SLC19A1: variants seen among roughly 807,000 people sequenced by gnomAD.
The protein encoded by SLC19A1 is reduced folate transporter.
Under a neutral mutation model 35.3 loss-of-function variants are expected in SLC19A1, and 37 were observed. The observed-to-expected ratio is 1.05, with a 90% confidence interval of 0.81 to 1.38. The LOEUF (loss-of-function observed/expected upper bound fraction) is 1.38. Ranked by LOEUF, SLC19A1 falls within the 40% of genes most tolerant of loss-of-function variation. The pLI, the probability that SLC19A1 is intolerant of heterozygous loss-of-function variation, is 0.00. For synonymous variants in SLC19A1, 460 were observed against 398.5 expected (o/e 1.15, Z -1.84); for missense variants, 831 against 826.9 (o/e 1.00, Z -0.06).
chr21:45,502,819 C>T (rs563689692), intron 3 of SLC19A1: 1 of 152,296 alleles, frequency 6.6e-6, no homozygotes, highest in East Asian at 1.9e-4. Flanking sequence ...AAGGGCAGGA[C>T]GCTGGGAGGA....
chr21:45,515,596 G>A lies in SLC19A1; in HGVS notation c.*62C>T. On this transcript the variant is annotated 3_prime_UTR_variant, in exon 6 of 6. Coordinates refer to ENST00000311124, the MANE Select transcript of SLC19A1 (RefSeq NM_194255.4). ...CATTGCTAAGGCAGGCGGCCCTCGA[G>A]GCAGGGGTCGTGGGGATGCACTGAG... The A allele has an allele frequency of 6.2e-7, 1 of 1,603,878 alleles. No homozygotes were observed. Among genetic ancestry groups the A allele is most frequent in the Non-Finnish European group, 8.5e-7 (1 of 1,177,990 alleles).
rs146971379 is a variant in SLC19A1 at position 45,504,800 on chromosome 21, G to A, written c.498-6188C>T. On this transcript the variant is annotated intron_variant, in intron 3 of 4. Transcript: ENST00000417954. ...TGGCCTGCCCTCCTGCTGGGGCCAC[G>A]TGCATCCACCTCTGCTCCTGGGCCG... Among the ~76,000 whole-genome samples the A allele has an allele frequency of 2.0e-3, 297 of 152,206 alleles. 1 individual carries two copies. Among genetic ancestry groups the A allele is most frequent in the African/African-American group, 6.7e-3 (277 of 41,508 alleles).
chr21:45,561,532 G>A (rs2078614943), intron 1 of SLC19A1, among the ~76,000 whole-genome samples: 1 of 152,092 alleles, frequency 6.6e-6, no homozygotes, highest in Admixed American at 6.5e-5. Context: ...AGGCTGAGGT[G>A]GGCAGATCAC....
At chr21:45,504,628 C>A (rs907065745) in intron 3 of SLC19A1, 2 of 1,414,814 alleles carry the variant, frequency 1.4e-6, no homozygotes, top group African/African-American at 2.8e-5. Flanking sequence ...GCAGGTCCAG[C>A]CCGGCCTTCG....
At chr21:45,526,699 G>A (rs964826100) in intron 4 of SLC19A1, among the ~76,000 whole-genome samples, 3 of 152,218 alleles carry the variant, frequency 2.0e-5, no homozygotes, top group African/African-American at 7.2e-5. Context: ...AGCCTTTCGA[G>A]TAGCTGGGAT....
chr21:45,502,545 T>G (rs1413652630), intron 3 of SLC19A1: 1 of 152,148 alleles, frequency 6.6e-6, no homozygotes, highest in Non-Finnish European at 1.5e-5. Context: ...GTTTTATATA[T>G]AAAAATAGCA....
chr21:45,552,965 G>A lies in SLC19A1; in HGVS notation c.-50+9777C>T, dbSNP rs372702833. Among the ~76,000 whole-genome samples the A allele has an allele frequency of 2.4e-4, 36 of 151,932 alleles. 1 individual carries two copies. In the East Asian group the frequency reaches 5.7e-3, roughly 24 times the overall value. On this transcript the variant is annotated intron_variant, in intron 1 of 5. Coordinates refer to the SLC19A1 transcript ENST00000650808. ...AGTGCCAGCCCCAGCTCTCCGTGGC[G>A]CCCCCCATGTGCTCACTTTTACACA...
Position 45,534,121 on chromosome 21 carries a change from T to C in SLC19A1, c.190-1973A>G, listed in dbSNP as rs2078027664. 1.3e-5 allele frequency among the ~76,000 whole-genome samples: 2 copies of C among 152,180 alleles called. No homozygotes were observed. The highest frequency in any genetic ancestry group is 4.1e-4 in the South Asian group (2 of 4,838). ...TCCGGGACACTCTGAGGGCAGGTTA[T>C]GTGCCAGGAGGCTGAGTGAGCCCGC... is the stretch of plus-strand genomic sequence containing the variant. On this transcript the variant is annotated intron_variant, in intron 2 of 5. Coordinates refer to ENST00000311124, the MANE Select transcript of SLC19A1 (RefSeq NM_194255.4). The surrounding 1 kb of genome is among the most constrained non-coding windows in gnomAD (Gnocchi z 4.2).
rs1459123912 is a variant in SLC19A1 at position 45,515,340 on chromosome 21, G to A, written c.*318C>T. On this transcript the variant is annotated 3_prime_UTR_variant, in exon 6 of 6. Transcript: ENST00000311124. The stretch of plus-strand genomic sequence containing the variant: ...GAGGCCACTTCACTAGCCCTGGGGG[G>A]CAGAAAGGATTTGTCTCAAGCCCCC... 1.9e-5 allele frequency: 28 copies of A among 1,441,274 alleles called. No homozygotes were observed. Among genetic ancestry groups the A allele is most frequent in the South Asian group, 1.5e-5 (1 of 66,918 alleles). 89.3% of individuals were successfully genotyped at this position (1,441,274 alleles called of 1,614,324 possible).
At chr21:45,503,333 A>G (rs2036966519) in intron 3 of SLC19A1, among the ~76,000 whole-genome samples, 1 of 151,738 alleles carries the variant, frequency 6.6e-6, no homozygotes, top group Non-Finnish European at 1.5e-5. Context: ...GATGATGAGC[A>G]TTTTTTCATG....
downstream of SLC19A1, chr21:45,510,121 G>A (rs769603874): frequency 1.7e-5 from 27 of 1,597,874 alleles, no homozygotes; most frequent in Non-Finnish European, 2.2e-5. Flanking sequence ...CATCCGCGGG[G>A]CCGACTTCCA....
downstream of SLC19A1, among the ~76,000 whole-genome samples, chr21:45,508,288 G>A (rs936884161): frequency 2.7e-5 from 4 of 148,850 alleles, no homozygotes; most frequent in African/African-American, 5.1e-5. Context: ...AGGTAGATGG[G>A]GAGGTGGATG....
chr21:45,558,741 G>A (rs1247326035), intron 1 of SLC19A1, among the ~76,000 whole-genome samples: 1 of 152,130 alleles, frequency 6.6e-6, no homozygotes, highest in Non-Finnish European at 1.5e-5. Context: ...GGAACAAGGT[G>A]GAGCTGTGTT....
chr21:45,505,596 G>GT (rs576791727), intron 3 of SLC19A1, among the ~76,000 whole-genome samples: 208 of 152,236 alleles, frequency 1.4e-3, no homozygotes, highest in African/African-American at 4.6e-3. Flanking sequence ...GGGGAATCAG[G>GT]TGGACCCAGG....
downstream of SLC19A1, chr21:45,511,220 C>A (rs543837165): frequency 1.3e-6 from 2 of 1,565,246 alleles, no homozygotes; most frequent in East Asian, 2.3e-5. Context: ...CTGAGGCACC[C>A]CACCTGGTAG....
In SLC19A1 at chr21:45,534,063, G is replaced by C. The variant is rs1468212682; in HGVS notation, c.190-1915C>G. On this transcript the variant is annotated intron_variant, in intron 2 of 5. Coordinates refer to ENST00000311124, the MANE Select transcript of SLC19A1 (RefSeq NM_194255.4). This position sits in a 1 kb window ranked among gnomAD's most constrained non-coding sequence, Gnocchi z 4.2. ...GGTCCCAGCAGCACCAGGCACCCAAGGTCCCTCCGGCACTCCGTCCTGCTC... is the reference window on the plus strand; with the variant it reads ...GGTCCCAGCAGCACCAGGCACCCAACGTCCCTCCGGCACTCCGTCCTGCTC... Among the ~76,000 whole-genome samples the C allele has an allele frequency of 2.0e-5, 3 of 152,126 alleles. No homozygotes were observed. Among genetic ancestry groups the C allele is most frequent in the African/African-American group, 7.2e-5 (3 of 41,426 alleles).
In SLC19A1 at chr21:45,513,241, CA is replaced by C. The variant is rs1408800751; in HGVS notation, c.*2416del. 1 of 152,366 alleles carries C rather than the reference CA, an allele frequency of 6.6e-6. No individual in the cohort carries two copies. Among genetic ancestry groups the C allele is most frequent in the Non-Finnish European group, 1.5e-5 (1 of 68,154 alleles). 9.4% of individuals were successfully genotyped at this position (152,366 alleles called of 1,614,324 possible). ...GGACGTGGCTCAGCCAGCACTTGTCCAGCTGAGCGCCAGGATGGAACACGGC... is the reference window on the plus strand; with the variant it reads ...GGACGTGGCTCAGCCAGCACTTGTCCGCTGAGCGCCAGGATGGAACACGGC... On this transcript the variant is annotated 3_prime_UTR_variant, in exon 6 of 6. Transcript: ENST00000311124.
In SLC19A1 at chr21:45,514,259, C is replaced by CCCG. The variant is rs56204227; in HGVS notation, c.*1398_*1399insCGG. On this transcript the variant is annotated 3_prime_UTR_variant, in exon 6 of 6. Transcript: ENST00000311124. ...AGCCCAGGAAATGGCTGGTGCAGAC[C>CCCG]CCCCCCCAAGCAGGGTCCCCAGGGT... The CCCG allele has an allele frequency of 1.3e-5, 2 of 151,398 alleles. No homozygotes were observed. Among genetic ancestry groups the CCCG allele is most frequent in the African/African-American group, 4.9e-5 (2 of 40,810 alleles). 9.4% of individuals were successfully genotyped at this position (151,398 alleles called of 1,614,324 possible). A position where few individuals can be genotyped will look rare whatever the true frequency, so the allele number is the denominator to read the frequency against.
At chr21:45,509,999 C>T (rs1271119771), downstream of SLC19A1, 17 of 1,508,480 alleles carry the variant, frequency 1.1e-5, no homozygotes, top group South Asian at 2.4e-5. Flanking sequence ...CGGGGTGGTG[C>T]GCCCGGGGCC....
Sources: gnomAD v4.1 joint callset for allele counts (sites outside exome capture counted in the v4.1 genomes callset) on GRCh38, gnomAD v4.1.1 for gene constraint, Gnocchi (gnomAD v3.1) non-coding constraint, MANE v1.5 for transcripts, NCBI Gene and HGNC (gene_info 2026-07-23, HGNC 2026-07-21) for gene names.